HDAC9: variants seen among roughly 807,000 people sequenced by gnomAD.
HDAC9 encodes MEF-2 interacting transcription repressor (MITR) protein.
A neutral mutation model predicts 139.4 loss-of-function variants in HDAC9; 41 were observed. The ratio of observed to expected loss-of-function variants is 0.29; its 90% CI spans 0.23 to 0.38. The LOEUF is 0.38. Ranked by LOEUF, HDAC9 falls within the 10% of genes least tolerant of loss-of-function variation. The probability of loss-of-function intolerance (pLI) is 1.00; values close to 1 mark genes in which losing one functional copy is unlikely to be tolerated. For missense variants in HDAC9, 1,147 were observed against 1,297.0 expected (o/e 0.88, Z 1.78); for synonymous variants, 517 against 476.2 (o/e 1.09, Z -1.12).
intron 16 of HDAC9, among the ~76,000 whole-genome samples, chr7:18,780,697 G>A (rs373674080): frequency 6.6e-6 from 1 of 151,978 alleles, no homozygotes; most frequent in Non-Finnish European, 1.5e-5. Context: ...CCACAGTAAA[G>A]CCCTGTAAAG....
chr7:19,000,258 T>A lies in HDAC9; in HGVS notation c.*4196T>A, dbSNP rs1786686484. On this transcript the variant is annotated 3_prime_UTR_variant, in exon 26 of 26. Transcript: ENST00000686413. ...TTTGTACCATGTGCTGCCTTTGGAA[T>A]AAAGTATTATAATGTATCTTGTCAC... is the stretch of plus-strand genomic sequence containing the variant. The A allele has an allele frequency of 6.6e-6, 1 of 152,196 alleles. No individual in the cohort carries two copies. Among genetic ancestry groups the A allele is most frequent in the Non-Finnish European group, 1.5e-5 (1 of 68,018 alleles). 9.4% of individuals were successfully genotyped at this position (152,196 alleles called of 1,614,324 possible).
chr7:18,300,749 C>T (rs941065201), intron 1 of HDAC9, among the ~76,000 whole-genome samples: 3 of 152,016 alleles, frequency 2.0e-5, no homozygotes, highest in East Asian at 1.9e-4. Flanking sequence ...CTAGCAAAGC[C>T]GTATTTTGTC....
intron 1 of HDAC9, among the ~76,000 whole-genome samples, chr7:18,455,675 C>T (rs973518057): frequency 1.3e-5 from 2 of 152,110 alleles, no homozygotes; most frequent in Non-Finnish European, 2.9e-5. Context: ...GGGGATGTAG[C>T]CAACCATCTA....
intron 2 of HDAC9, among the ~76,000 whole-genome samples, chr7:18,523,761 A>G (rs1403567088): frequency 2.6e-5 from 4 of 152,190 alleles, no homozygotes; most frequent in African/African-American, 4.8e-5. Context: ...AAGGTGCACC[A>G]TCACATAGAG....
chr7:18,312,167 G>A (rs1355670582), intron 1 of HDAC9, among the ~76,000 whole-genome samples: 2 of 152,090 alleles, frequency 1.3e-5, no homozygotes, highest in Non-Finnish European at 2.9e-5. Context: ...TTTCCCTGGT[G>A]CTTTTAAATG....
chr7:18,222,162 GA>G (rs1333379421), intron 2 of HDAC9, among the ~76,000 whole-genome samples: 4 of 152,180 alleles, frequency 2.6e-5, no homozygotes, highest in Non-Finnish European at 4.4e-5. Context: ...AACACATTTT[GA>G]AATTTGAATT....
At chr7:18,427,712 T>A (rs536619426) in intron 1 of HDAC9, among the ~76,000 whole-genome samples, 42 of 151,746 alleles carry the variant, frequency 2.8e-4, no homozygotes, top group Middle Eastern at 3.4e-3. Context: ...TTTTTTTTTT[T>A]TAAATATTTT....
chr7:18,723,869 A>G (rs1056960736), intron 12 of HDAC9, among the ~76,000 whole-genome samples: 5 of 152,156 alleles, frequency 3.3e-5, no homozygotes, highest in Non-Finnish European at 5.9e-5. Flanking sequence ...CCAAATATCT[A>G]TTGCATTTTC....
rs78962718 is a variant in HDAC9 at position 18,403,319 on chromosome 7, T to C, written c.-41-92943T>C. ...CGGTAAAGTCATCATTACTATAGAA[T>C]GGCATACTAGGTCTTATGATTTGAT... is the stretch of plus-strand genomic sequence containing the variant. On this transcript the variant is annotated intron_variant, in intron 1 of 3. Transcript: ENST00000413509. 5.0e-3 allele frequency among the ~76,000 whole-genome samples: 765 copies of C among 152,310 alleles called. 8 individuals carry two copies. The highest frequency in any genetic ancestry group is 0.018 in the African/African-American group (729 of 41,564).
chr7:18,603,513 A>G (rs534574042), intron 6 of HDAC9, among the ~76,000 whole-genome samples: 2 of 152,140 alleles, frequency 1.3e-5, no homozygotes, highest in East Asian at 3.9e-4. Flanking sequence ...TTTATAGTGA[A>G]TCCATGTCCA....
At chr7:18,740,162 G>A (rs1787314295) in intron 13 of HDAC9, among the ~76,000 whole-genome samples, 1 of 152,204 alleles carries the variant, frequency 6.6e-6, no homozygotes, top group African/African-American at 2.4e-5. Context: ...CCGTTTTTCA[G>A]GTACAGTCTG....
intron 1 of HDAC9, among the ~76,000 whole-genome samples, chr7:18,111,406 G>A (rs1783612532): frequency 6.6e-6 from 1 of 152,142 alleles, no homozygotes; most frequent in Admixed American, 6.5e-5. Flanking sequence ...TAAGGAGAAA[G>A]TTAGATAAAG....
At position 18,666,333 on chromosome 7, in the gene HDAC9, A is replaced by C. The variant is rs745412186; in HGVS notation, c.1588A>C (p.Thr530Pro). 1 of 1,613,428 alleles carries C rather than the reference A, an allele frequency of 6.2e-7. No individual in the cohort carries two copies. Among genetic ancestry groups the C allele is most frequent in the Non-Finnish European group, 8.5e-7 (1 of 1,179,618 alleles). ...CAGAGCGCCCTCTAGTGGCAACAGC[A>C]CTAGGAGCGACAGCAGTGCTTGTGT... ...EDRAPSSGNS[T>P]RSDSSACVDD... The change falls in exon 12 of 26, where the codon ACT becomes CCT. Residue 530 changes from threonine to proline, a missense_variant. By Grantham distance (38) the Thr-to-Pro change is conservative. Around this residue, in one of 7 missense-constraint regions of HDAC9, gnomAD observed 256 missense variants for 219.2 expected, o/e 1.17. Coordinates refer to ENST00000686413, the MANE Select transcript of HDAC9 (RefSeq NM_178425.4).
chr7:18,304,119 C>T (rs1028945927), intron 1 of HDAC9, among the ~76,000 whole-genome samples: 1 of 152,344 alleles, frequency 6.6e-6, no homozygotes, highest in African/African-American at 2.4e-5. Context: ...CAGGTTCCTC[C>T]TGTGTTACAT....
At position 18,977,915 on chromosome 7, in the gene HDAC9, G is replaced by GACACAC. The variant is rs1234499048; in HGVS notation, c.3170+1965_3170+1966insCACACA. The stretch of plus-strand genomic sequence containing the variant: ...GCATGAATTTCCTCAGAGACAGACA[G>GACACAC]ACAGACACACACACACACACACACA... On this transcript the variant is annotated intron_variant, in intron 25 of 25. Coordinates refer to ENST00000686413, the MANE Select transcript of HDAC9 (RefSeq NM_178425.4). Among the ~76,000 whole-genome samples, 489 of 103,164 alleles carry GACACAC rather than the reference G, an allele frequency of 4.7e-3. 4 individuals are homozygous for GACACAC. The highest frequency in any genetic ancestry group is 0.017 in the African/African-American group (480 of 28,416). The allele number at this position is 103,164 out of a possible 152,430, so 67.7% of individuals were successfully genotyped here. A position where few individuals can be genotyped will look rare whatever the true frequency, so the allele number is the denominator to read the frequency against.
chr7:18,944,273 A>C (rs187294662), intron 23 of HDAC9, among the ~76,000 whole-genome samples: 2 of 152,254 alleles, frequency 1.3e-5, no homozygotes, highest in African/African-American at 4.8e-5. Flanking sequence ...AACGTTCCAC[A>C]ATATCTTTGA....
At chr7:18,909,959 G>A (rs776605362) in intron 22 of HDAC9, among the ~76,000 whole-genome samples, 19 of 151,638 alleles carry the variant, frequency 1.3e-4, no homozygotes, top group Non-Finnish European at 2.5e-4. Context: ...GGGGTCTTTT[G>A]TGGTTTCATA....
chr7:18,206,961 G>A (rs1206843052), intron 2 of HDAC9, among the ~76,000 whole-genome samples: 2 of 144,240 alleles, frequency 1.4e-5, no homozygotes, highest in African/African-American at 2.6e-5. Context: ...TTTGAGGCAG[G>A]TTCTCACTTG....
At chr7:18,963,602 G>T (rs542541441) in intron 24 of HDAC9, among the ~76,000 whole-genome samples, 1 of 152,104 alleles carries the variant, frequency 6.6e-6, no homozygotes, top group East Asian at 1.9e-4. Flanking sequence ...TAGATAAAGA[G>T]TATTCATTTA....
Sources: allele counts gnomAD v4.1 joint callset (sites outside exome capture counted in the v4.1 genomes callset), GRCh38; gene constraint gnomAD v4.1.1; regional missense constraint gnomAD v4.1.1; transcripts MANE v1.5; gene names NCBI Gene and HGNC (gene_info 2026-07-23, HGNC 2026-07-21).